Variants in TSPEAR observed in about 807,000 individuals in gnomAD.
The protein encoded by TSPEAR is thrombospondin type laminin G domain and EAR repeats, also known as thrombospondin-type laminin G domain and EAR repeat-containing protein.
In TSPEAR, 69 loss-of-function variants were observed where a neutral mutation model predicts 71.6. That is an observed-to-expected ratio of 0.96 (90% CI 0.79 to 1.18). TSPEAR has a LOEUF of 1.18. TSPEAR is among the 50% of genes most tolerant of loss of function. The probability of loss-of-function intolerance (pLI) is 0.00; values close to 1 mark genes in which losing one functional copy is unlikely to be tolerated. For synonymous variants in TSPEAR, 402 were observed against 387.2 expected, an observed-to-expected ratio of 1.04 and a Z score of -0.45; for missense variants, 971 against 894.9, an observed-to-expected ratio of 1.09 and a Z score of -1.09.
At chr21:44,541,187 T>G (rs149853563) in intron 2 of TSPEAR, among the ~76,000 whole-genome samples, 360 of 152,304 alleles carry the variant, frequency 2.4e-3, no homozygotes, top group African/African-American at 8.3e-3. Context: ...GTTTGTCTTG[T>G]TCACCACTCA....
intron 1 of TSPEAR, chr21:44,580,488 A>AG (rs782662409): frequency 1.2e-6 from 2 of 1,613,248 alleles, no homozygotes; most frequent in Non-Finnish European, 1.7e-6. Context: ...GCGGTGCCGC[A>AG]GGGGGGCTCA....
chr21:44,521,492 A>C (rs1416931522), intron 9 of TSPEAR, among the ~76,000 whole-genome samples: 2 of 152,322 alleles, frequency 1.3e-5, no homozygotes, highest in African/African-American at 4.8e-5. Flanking sequence ...CAGCTGCCCC[A>C]GGGCCAGGGC....
chr21:44,677,706 T>C, intron 1 of TSPEAR: 1 of 1,427,520 alleles, frequency 7.0e-7, no homozygotes, highest in Non-Finnish European at 9.9e-7. Context: ...TTTTTGGAGT[T>C]GTGAGGCAGG....
rs145806235 is a variant in TSPEAR, at chr21:44,677,421, G to A, written c.82+34012C>T. 102 of 997,582 alleles carry A rather than the reference G, an allele frequency of 1.0e-4. No individual in the cohort carries two copies. The African/African-American group carries it at 1.4e-3, about 14-fold the overall frequency. 61.8% of individuals were successfully genotyped at this position (997,582 alleles called of 1,614,324 possible). A position where few individuals can be genotyped will look rare whatever the true frequency, so the allele number is the denominator to read the frequency against. On this transcript the variant is annotated intron_variant, in intron 1 of 11. Transcript: ENST00000323084. Reference sequence around the variant, plus strand: ...GTTCTGAGCTGCAATCGCCTGCAGAGTGACATTTGCAGTTTGCCTCAGAGC... The same window carrying A: ...GTTCTGAGCTGCAATCGCCTGCAGAATGACATTTGCAGTTTGCCTCAGAGC...
chr21:44,642,882 T>C lies in TSPEAR; in HGVS notation c.82+68551A>G, dbSNP rs1216089819. ...AAAACTTAAAAATTAAAAATGGAAC[T>C]ACCATGTGATGAGCAATCCCACTTC... On this transcript the variant is annotated intron_variant, in intron 1 of 11. Coordinates refer to ENST00000323084, the MANE Select transcript of TSPEAR (RefSeq NM_144991.3). The surrounding 1 kb of genome is among the most constrained non-coding windows in gnomAD (Gnocchi z 4.1). Among the ~76,000 whole-genome samples the C allele has an allele frequency of 6.6e-6, 1 of 152,024 alleles. No homozygotes were observed. The highest frequency in any genetic ancestry group is 1.5e-5 in the Non-Finnish European group (1 of 68,004).
rs1703336308 is a variant in TSPEAR at position 44,710,088 on chromosome 21, TC to T, written c.82+1344del. 6.7e-6 allele frequency among the ~76,000 whole-genome samples: 1 copy of T among 149,256 alleles called. No individual in the cohort carries two copies. The highest frequency in any genetic ancestry group is 2.1e-4 in the South Asian group (1 of 4,676). On this transcript the variant is annotated intron_variant, in intron 1 of 11. Coordinates refer to ENST00000323084, the MANE Select transcript of TSPEAR (RefSeq NM_144991.3). The surrounding 1 kb of genome is among the most constrained non-coding windows in gnomAD (Gnocchi z 4.6). ...GTGACTCATGCCCCCCCACCCCCACTCCAGGGTGTGCTGAGGAGTCTCTCAG... is the reference window on the plus strand; with the variant it reads ...GTGACTCATGCCCCCCCACCCCCACTCAGGGTGTGCTGAGGAGTCTCTCAG...
intron 1 of TSPEAR, among the ~76,000 whole-genome samples, chr21:44,699,165 C>G (rs1417889560): frequency 6.6e-6 from 1 of 151,940 alleles, no homozygotes; most frequent in African/African-American, 2.4e-5. Context: ...CCACTGCACT[C>G]CAGCCTGGAC....
rs782295679 is a variant in TSPEAR, at chr21:44,529,700, G to A, written c.790+98C>T. On this transcript the variant is annotated intron_variant, in intron 5 of 11. Coordinates refer to ENST00000323084, the MANE Select transcript of TSPEAR (RefSeq NM_144991.3). ...GCAGTGATGAGGGGGGCAGGCACAC[G>A]AGAGGGGCTGAGAGCTGAGCCCTGA... is the stretch of plus-strand genomic sequence containing the variant. 4.2e-5 allele frequency: 58 copies of A among 1,390,032 alleles called. 2 individuals are homozygous for A. The highest frequency in any genetic ancestry group is 4.0e-4 in the South Asian group (32 of 80,978). 86.1% of individuals were successfully genotyped at this position (1,390,032 alleles called of 1,614,324 possible).
At chr21:44,561,254 A>T (rs782658552) in intron 2 of TSPEAR, among the ~76,000 whole-genome samples, 1 of 152,236 alleles carries the variant, frequency 6.6e-6, no homozygotes, top group Non-Finnish European at 1.5e-5. Context: ...AAATTCCTGG[A>T]CACATACACC....
At chr21:44,650,252 T>C (rs1555941157) in intron 1 of TSPEAR, among the ~76,000 whole-genome samples, 1 of 151,950 alleles carries the variant, frequency 6.6e-6, no homozygotes, top group Non-Finnish European at 1.5e-5. Flanking sequence ...TGTTGGATGC[T>C]GATCCCTCAT....
chr21:44,599,508 A>G (rs587610409), intron 1 of TSPEAR, among the ~76,000 whole-genome samples: 2 of 152,326 alleles, frequency 1.3e-5, no homozygotes, highest in African/African-American at 4.8e-5. Context: ...CATCACTGAC[A>G]TCACCAGGCA....
At position 44,597,410 on chromosome 21, in the gene TSPEAR, C is replaced by CTCTTTT. The variant is rs1331622710; in HGVS notation, c.83-29411_83-29406dup. Among the ~76,000 whole-genome samples the CTCTTTT allele has an allele frequency of 1.4e-3, 215 of 148,504 alleles. 5 individuals carry two copies. Among genetic ancestry groups the CTCTTTT allele is most frequent in the African/African-American group, 3.9e-3 (155 of 39,694 alleles). The stretch of plus-strand genomic sequence containing the variant: ...TCTTGTTACTTTCAAGCTTTCTGTG[C>CTCTTTT]TCTTTTTCTTTTTCTTTCTTTCTTT... On this transcript the variant is annotated intron_variant, in intron 1 of 11. Transcript: ENST00000323084.
chr21:44,634,774 A>C (rs1569231438), intron 1 of TSPEAR, among the ~76,000 whole-genome samples: 1 of 152,230 alleles, frequency 6.6e-6, no homozygotes, highest in Non-Finnish European at 1.5e-5. Context: ...CCACACCACA[A>C]TGACATGCTG....
At position 44,683,315 on chromosome 21, in the gene TSPEAR, A is replaced by G. The variant is rs1601562632; in HGVS notation, c.82+28118T>C. Among the ~76,000 whole-genome samples the G allele has an allele frequency of 2.0e-5, 3 of 152,092 alleles. No homozygotes were observed. The East Asian group carries it at 5.8e-4, about 29-fold the overall frequency. On this transcript the variant is annotated intron_variant, in intron 1 of 11. Coordinates refer to ENST00000323084, the MANE Select transcript of TSPEAR (RefSeq NM_144991.3). ...GACGGCTAGAACAAAAATCAGAAACATGATACAGCTCAGAGTCTGTAAATG... is the reference window on the plus strand; with the variant it reads ...GACGGCTAGAACAAAAATCAGAAACGTGATACAGCTCAGAGTCTGTAAATG...
intron 1 of TSPEAR, chr21:44,580,668 G>A (rs1978911111): frequency 7.4e-7 from 1 of 1,359,518 alleles, no homozygotes. Flanking sequence ...AGTGAGTGAG[G>A]TGCTCAGGGC....
intron 2 of TSPEAR, among the ~76,000 whole-genome samples, chr21:44,535,905 A>G (rs1555916324): frequency 2.1e-5 from 3 of 142,306 alleles, no homozygotes; most frequent in Admixed American, 1.4e-4. Context: ...TCAAAAAAAA[A>G]AAAAGGAAAA....
rs1368930481 is a variant in TSPEAR, at chr21:44,612,213, G to A, written c.83-44208C>T. 6.2e-7 allele frequency: 1 copy of A among 1,613,702 alleles called. No homozygotes were observed. The highest frequency in any genetic ancestry group is 1.3e-5 in the African/African-American group (1 of 74,884). On this transcript the variant is annotated intron_variant, in intron 1 of 11. Coordinates refer to ENST00000323084, the MANE Select transcript of TSPEAR (RefSeq NM_144991.3). The surrounding 1 kb of genome is among the most constrained non-coding windows in gnomAD (Gnocchi z 4.1). ...GTCTCCTCCCCCAGCACCTGCACTG[G>A]CTCCTCCTGGCAGGTGGACAATTGC...
In TSPEAR at chr21:44,591,430, G is replaced by A. The variant is rs587716684; in HGVS notation, c.83-23425C>T. 2.7e-4 allele frequency: 441 copies of A among 1,613,532 alleles called. 1 individual carries two copies. The East Asian group carries it at 7.7e-3, about 28-fold the overall frequency. ...GCCAGAGCAGAGGCTGTAGCAGGCA[G>A]GGCGGGAGCACATGGGGCGGCAGAG... is the stretch of plus-strand genomic sequence containing the variant. On this transcript the variant is annotated intron_variant, in intron 1 of 11. Coordinates refer to ENST00000323084, the MANE Select transcript of TSPEAR (RefSeq NM_144991.3).
intron 1 of TSPEAR, among the ~76,000 whole-genome samples, chr21:44,605,925 C>T (rs587616086): frequency 6.6e-6 from 1 of 151,926 alleles, no homozygotes; most frequent in South Asian, 2.1e-4. Flanking sequence ...CAAAAGCACA[C>T]CTAACAAAAT....
Sources: allele counts gnomAD v4.1 joint callset (sites outside exome capture counted in the v4.1 genomes callset), GRCh38; gene constraint gnomAD v4.1.1; non-coding constraint Gnocchi (gnomAD v3.1); transcripts MANE v1.5; gene names NCBI Gene and HGNC (gene_info 2026-07-23, HGNC 2026-07-21).